STK11: variants seen among roughly 807,000 people sequenced by gnomAD.
The protein encoded by STK11 is serine/threonine kinase 11.
In STK11, 8 loss-of-function variants were observed where a neutral mutation model predicts 47.3. That is an observed-to-expected ratio of 0.17 (90% CI 0.10 to 0.31). The LOEUF (loss-of-function observed/expected upper bound fraction) is 0.31, where lower values mean the gene tolerates loss of function less well. STK11 is among the 10% of genes least tolerant of loss of function. STK11 has a pLI of 1.00. For synonymous variants in STK11, 330 were observed against 255.8 expected, an observed-to-expected ratio of 1.29 and a Z score of -2.77; for missense variants, 475 against 605.0, an observed-to-expected ratio of 0.79 and a Z score of 2.25.
Position 1,226,219 on chromosome 19 carries a change from G to A in STK11, c.1109-235G>A, listed in dbSNP as rs111348654. ...TGCGGCCATGGCAGGTGCAACAGAC[G>A]TGGTGGAGGGGACACTCCTGCCCAG... On this transcript the variant is annotated intron_variant, in intron 8 of 9. Coordinates refer to ENST00000326873, the MANE Select transcript of STK11 (RefSeq NM_000455.5). 1.1e-3 allele frequency: 1,570 copies of A among 1,374,536 alleles called. 6 individuals are homozygous for A. In the African/African-American group the frequency reaches 0.015, roughly 13 times the overall value. 85.1% of individuals were successfully genotyped at this position (1,374,536 alleles called of 1,614,324 possible). A position where few individuals can be genotyped will look rare whatever the true frequency, so the allele number is the denominator to read the frequency against.
At chr19:1,215,052 G>A (rs2080736189) in intron 1 of STK11, among the ~76,000 whole-genome samples, 1 of 152,220 alleles carries the variant, frequency 6.6e-6, no homozygotes, top group Non-Finnish European at 1.5e-5. Flanking sequence ...GGGGAGGTTA[G>A]GGGCACACAG....
chr19:1,222,548 G>A (rs2080792316), intron 7 of STK11, among the ~76,000 whole-genome samples: 1 of 152,208 alleles, frequency 6.6e-6, no homozygotes, highest in African/African-American at 2.4e-5. Flanking sequence ...GGGAGTGGGA[G>A]TGTCCGGACC....
intron 9 of STK11, 172 bp from the exon 10 acceptor site, chr19:1,227,421 C>A: frequency 1.6e-6 from 1 of 615,236 alleles, no homozygotes; most frequent in Non-Finnish European, 2.1e-6. Context: ...AAAGGCCACA[C>A]AATGTACCCC....
intron 8 of STK11, chr19:1,225,720 C>A (rs747561163): frequency 6.9e-5 from 68 of 985,542 alleles, no homozygotes; most frequent in Non-Finnish European, 7.3e-5. Context: ...GGCGGCCTCC[C>A]ACTGACTTCG....
intron 1 of STK11, 70 bp downstream of exon 1, chr19:1,207,273 C>G: frequency 1.3e-6 from 2 of 1,512,014 alleles, no homozygotes; most frequent in Non-Finnish European, 1.8e-6. Context: ...GTCTTCCTTC[C>G]TTCTCTCCTC....
chr19:1,227,611 G>A lies in STK11; in HGVS notation c.*35G>A, dbSNP rs1016942739. On this transcript the variant is annotated 3_prime_UTR_variant, in exon 10 of 10. Coordinates refer to ENST00000326873, the MANE Select transcript of STK11 (RefSeq NM_000455.5). ...CCTGCAGCCCGTGTCCAGGAGCCCC[G>A]CCAGGTGCCCGCGCCAGGCCCTCAG... The A allele has an allele frequency of 2.8e-6, 3 of 1,065,302 alleles. No individual in the cohort carries two copies. Among genetic ancestry groups the A allele is most frequent in the Non-Finnish European group, 3.4e-6 (3 of 879,468 alleles). The allele number at this position is 1,065,302 out of a possible 1,614,324, so 66.0% of individuals were successfully genotyped here.
rs375315233 is a variant in STK11, at chr19:1,220,737, G to C, written c.734+20G>C. The C allele has an allele frequency of 6.3e-7, 1 of 1,599,586 alleles. No individual in the cohort carries two copies. Among genetic ancestry groups the C allele is most frequent in the Non-Finnish European group, 8.5e-7 (1 of 1,172,254 alleles). On this transcript the variant is annotated intron_variant, in intron 5 of 9. Transcript: ENST00000326873. ...CACCCTGTAAGTGCCCCGCCCCCCCGGGCACTCACCACACGCACACTCCGA... is the reference window on the plus strand; with the variant it reads ...CACCCTGTAAGTGCCCCGCCCCCCCCGGCACTCACCACACGCACACTCCGA...
At chr19:1,210,587 G>A (rs566835428) in intron 1 of STK11, among the ~76,000 whole-genome samples, 1 of 152,378 alleles carries the variant, frequency 6.6e-6, no homozygotes, top group South Asian at 2.1e-4. Flanking sequence ...GTTAAAAAGA[G>A]GGCTGGGCAT....
chr19:1,217,378 TTA>T (rs2080751378), intron 1 of STK11, among the ~76,000 whole-genome samples: 1 of 152,118 alleles, frequency 6.6e-6, no homozygotes, highest in African/African-American at 2.4e-5. Flanking sequence ...TTTTGTATTT[TTA>T]GTAGAGACAG....
At chr19:1,225,565 G>A (rs1166541531) in intron 8 of STK11, 16 of 985,498 alleles carry the variant, frequency 1.6e-5, no homozygotes, top group African/African-American at 8.7e-5. Flanking sequence ...CACCGCGACC[G>A]GCCCAAGGTG....
intron 1 of STK11, among the ~76,000 whole-genome samples, chr19:1,212,761 G>C (rs1402092177): frequency 6.6e-6 from 1 of 151,506 alleles, no homozygotes; most frequent in Non-Finnish European, 1.5e-5. Context: ...AGCCAGTATG[G>C]TCTCGATCTC....
intron 9 of STK11, 136 bp from the exon 10 acceptor site, chr19:1,227,457 C>T: frequency 1.0e-6 from 1 of 968,202 alleles, no homozygotes; most frequent in Non-Finnish European, 1.3e-6. Context: ...GTGGCCTTCC[C>T]TGGCCTCCCC....
intron 1 of STK11, among the ~76,000 whole-genome samples, chr19:1,209,914 C>T (rs985989785): frequency 1.3e-5 from 2 of 152,112 alleles, no homozygotes; most frequent in African/African-American, 2.4e-5. Flanking sequence ...GACTGTGCGT[C>T]GCAGCTACCC....
chr19:1,219,754 C>T (rs2080769752), intron 3 of STK11, among the ~76,000 whole-genome samples: 1 of 152,048 alleles, frequency 6.6e-6, no homozygotes, highest in African/African-American at 2.4e-5. Context: ...ACCGTGTTAG[C>T]CAGGATGGTC....
In STK11 at chr19:1,223,134, A is replaced by C. The variant is rs1424464160; in HGVS notation, c.1070A>C (p.Glu357Ala). 1.2e-6 allele frequency: 2 copies of C among 1,611,874 alleles called. No homozygotes were observed. Among genetic ancestry groups the C allele is most frequent in the South Asian group, 1.1e-5 (1 of 90,860 alleles). The change falls in exon 8 of 10, where the codon GAG becomes GCG. Residue 357 changes from glutamate to alanine, a missense_variant. By Grantham distance (107) the Glu-to-Ala change is moderately radical (BLOSUM62 -1). Coordinates refer to ENST00000326873, the MANE Select transcript of STK11 (RefSeq NM_000455.5). ...GAGGACGAGGACCTCTTCGACATCG[A>C]GGATGACATCATCTACACTCAGGAC... is the stretch of plus-strand genomic sequence containing the variant. ...ADEDEDLFDI[E>A]DDIIYTQDFT...
chr19:1,219,538 T>G (rs938979016), intron 3 of STK11, 125 bp downstream of exon 3: 23 of 980,742 alleles, frequency 2.3e-5, no homozygotes, highest in Non-Finnish European at 3.2e-5. Flanking sequence ...GTTTTTTTGT[T>G]TTTTTGTTTT....
intron 1 of STK11, 51 bp from the exon 2 acceptor site, chr19:1,218,366 C>T (rs967381521): frequency 1.4e-6 from 2 of 1,477,540 alleles, no homozygotes; most frequent in African/African-American, 1.4e-5. Context: ...GGATCCAGGC[C>T]ATCATCCTGA....
chr19:1,213,975 T>A (rs760165711), intron 1 of STK11, among the ~76,000 whole-genome samples: 1 of 152,248 alleles, frequency 6.6e-6, no homozygotes, highest in Non-Finnish European at 1.5e-5. Context: ...GAGTGGCGTT[T>A]ATGACTCTCC....
chr19:1,221,855 C>G, intron 6 of STK11, 94 bp from the exon 7 acceptor site: 8 of 1,452,678 alleles, frequency 5.5e-6, no homozygotes, highest in Non-Finnish European at 7.5e-6. Context: ...AGGTATCACC[C>G]AGGGCCTGAC....
Sources: gnomAD v4.1 joint callset for allele counts (sites outside exome capture counted in the v4.1 genomes callset) on GRCh38, gnomAD v4.1.1 for gene constraint, MANE v1.5 for transcripts, NCBI Gene and HGNC (gene_info 2026-07-23, HGNC 2026-07-21) for gene names.